B4GALT1: variants seen among roughly 807,000 people sequenced by gnomAD.
The protein encoded by B4GALT1 is N-acetyllactosamine synthase.
Under a neutral mutation model 34.9 loss-of-function variants are expected in B4GALT1, and 16 were observed. The observed-to-expected ratio is 0.46, with a 90% CI of 0.31 to 0.70. B4GALT1 has a LOEUF of 0.70. Among genes scored for constraint, B4GALT1 ranks in the 30% least tolerant of loss-of-function variants. B4GALT1 has a pLI of 0.05. For missense variants in B4GALT1, 445 were observed against 530.5 expected (o/e 0.84, Z 1.58); for synonymous variants, 221 against 218.1 (o/e 1.01, Z -0.12).
chr9:33,169,678 G>A (rs961279146), upstream of B4GALT1, among the ~76,000 whole-genome samples: 3 of 151,832 alleles, frequency 2.0e-5, no homozygotes, highest in Non-Finnish European at 4.4e-5. Flanking sequence ...CTGCCATCAC[G>A]CCGGGCTAAT....
chr9:33,157,303 T>C (rs184851358), intron 1 of B4GALT1, among the ~76,000 whole-genome samples: 3 of 152,318 alleles, frequency 2.0e-5, no homozygotes, highest in East Asian at 3.9e-4. Context: ...TGAATCAGTA[T>C]TGTCAAGATG....
At chr9:33,115,723 C>G (rs991760484) in intron 4 of B4GALT1, among the ~76,000 whole-genome samples, 1 of 152,220 alleles carries the variant, frequency 6.6e-6, no homozygotes, top group Non-Finnish European at 1.5e-5. Context: ...GAGTACAAAA[C>G]GGCATGCAGC....
intron 2 of B4GALT1, among the ~76,000 whole-genome samples, chr9:33,122,511 A>AAAAT (rs34636838): frequency 1.7e-4 from 26 of 150,908 alleles, no homozygotes; most frequent in Non-Finnish European, 2.7e-4. Flanking sequence ...CCATCTCAAA[A>AAAAT]AAATAAATAA....
chr9:33,160,103 A>G (rs1474810847), intron 1 of B4GALT1, among the ~76,000 whole-genome samples: 1 of 152,244 alleles, frequency 6.6e-6, no homozygotes, highest in East Asian at 1.9e-4. Context: ...GCAAATCTGG[A>G]ATTTCCAATG....
At chr9:33,140,716 C>A (rs112414973) in intron 1 of B4GALT1, among the ~76,000 whole-genome samples, 5 of 152,346 alleles carry the variant, frequency 3.3e-5, no homozygotes, top group South Asian at 2.1e-4. Context: ...TCAGCTCCCC[C>A]ACCAGTGCTG....
chr9:33,114,574 G>A (rs1839912877), intron 4 of B4GALT1, among the ~76,000 whole-genome samples: 1 of 152,282 alleles, frequency 6.6e-6, no homozygotes, highest in South Asian at 2.1e-4. Context: ...TACGAATGGA[G>A]GGCTTCAGAA....
intron 1 of B4GALT1, among the ~76,000 whole-genome samples, chr9:33,147,354 T>A (rs989299007): frequency 6.7e-6 from 1 of 148,670 alleles, no homozygotes; most frequent in African/African-American, 2.5e-5. Context: ...TTCAAGTGAT[T>A]CTCCCGCCTC....
downstream of B4GALT1, among the ~76,000 whole-genome samples, chr9:33,108,033 T>C (rs184152870): frequency 8.7e-4 from 132 of 152,294 alleles, 4 homozygotes; most frequent in Non-Finnish European, 1.0e-4. Flanking sequence ...ATCTGTGCAA[T>C]ATGTACATGG....
Position 33,113,236 on chromosome 9 carries a change from C to T in B4GALT1, c.*218G>A. ...GAACACATCAAGAAACCCGCAAAGG[C>T]ATAAACACCTTGCAGAGCTAAGAAT... On this transcript the variant is annotated 3_prime_UTR_variant, in exon 6 of 6. Coordinates refer to ENST00000379731, the MANE Select transcript of B4GALT1 (RefSeq NM_001497.4). The T allele has an allele frequency of 3.1e-6, 2 of 641,542 alleles. No homozygotes were observed. Among genetic ancestry groups the T allele is most frequent in the Non-Finnish European group, 5.5e-6 (2 of 361,786 alleles). 39.7% of individuals were successfully genotyped at this position (641,542 alleles called of 1,614,324 possible).
At chr9:33,162,871 G>A (rs988876072) in intron 1 of B4GALT1, among the ~76,000 whole-genome samples, 6 of 152,180 alleles carry the variant, frequency 3.9e-5, no homozygotes, top group Admixed American at 2.6e-4. Context: ...AAGCGACCAA[G>A]TTTCACCATG....
intron 1 of B4GALT1, among the ~76,000 whole-genome samples, chr9:33,135,771 C>A (rs776863027): frequency 6.6e-6 from 1 of 152,178 alleles, no homozygotes; most frequent in Non-Finnish European, 1.5e-5. Flanking sequence ...TCAGTGATCA[C>A]GGATGAGAAG....
chr9:33,150,403 T>C (rs944050604), intron 1 of B4GALT1, among the ~76,000 whole-genome samples: 5 of 115,234 alleles, frequency 4.3e-5, no homozygotes, highest in African/African-American at 8.0e-5. Context: ...TGTCAAACTT[T>C]TTAAAAATAA....
At chr9:33,125,113 T>A (rs1840072353) in intron 2 of B4GALT1, among the ~76,000 whole-genome samples, 1 of 152,006 alleles carries the variant, frequency 6.6e-6, no homozygotes. Context: ...CCAGAAAACA[T>A]ATAAAATCCC....
intron 4 of B4GALT1, 143 bp from the exon 5 acceptor site, chr9:33,114,021 G>T (rs1354862922): frequency 1.3e-6 from 1 of 763,276 alleles, no homozygotes. Context: ...CCAGAACCCA[G>T]CCCAGCATGA....
At chr9:33,142,183 A>G (rs1840361405) in intron 1 of B4GALT1, among the ~76,000 whole-genome samples, 1 of 152,160 alleles carries the variant, frequency 6.6e-6, no homozygotes, top group African/African-American at 2.4e-5. Flanking sequence ...GGGTTTCACC[A>G]TGTTGGCCAG....
intron 1 of B4GALT1, among the ~76,000 whole-genome samples, chr9:33,139,665 A>G (rs1485546095): frequency 1.3e-5 from 2 of 152,198 alleles, no homozygotes; most frequent in Non-Finnish European, 2.9e-5. Context: ...AACTCCAGAG[A>G]GCTCAGACTC....
chr9:33,128,834 C>G (rs1362877959), intron 2 of B4GALT1, among the ~76,000 whole-genome samples: 3 of 152,182 alleles, frequency 2.0e-5, no homozygotes, highest in African/African-American at 4.8e-5. Flanking sequence ...GTCTGCTTCT[C>G]CCCAGTTGAT....
chr9:33,113,948 A>C, intron 4 of B4GALT1, 70 bp from the exon 5 acceptor site: 1 of 1,397,720 alleles, frequency 7.2e-7, no homozygotes, highest in Non-Finnish European at 1.0e-6. Flanking sequence ...CCCGGCTGCA[A>C]GACTGTTGCT....
At chr9:33,166,641 C>CAGAAGAGGGAGGCTGGCTGTCGT (rs1404820074) in intron 1 of B4GALT1, 117 bp downstream of exon 1, 25 of 1,211,596 alleles carry the variant, frequency 2.1e-5, no homozygotes, top group Admixed American at 1.5e-4. Context: ...AACTCTGATC[C>CAGAAGAGGGAGGCTGGCTGTCGT]AGAAGAGGGA....
Sources: allele counts gnomAD v4.1 joint callset (sites outside exome capture counted in the v4.1 genomes callset), GRCh38; gene constraint gnomAD v4.1.1; transcripts MANE v1.5; gene names NCBI Gene and HGNC (gene_info 2026-07-23, HGNC 2026-07-21).